GREB1L: variants seen among roughly 807,000 people sequenced by gnomAD.
GREB1L encodes GREB1 like retinoic acid receptor coactivator.
GREB1L carries 17 observed loss-of-function variants against 200.8 expected under a neutral mutation model. The observed-to-expected ratio is 0.08, with a 90% CI of 0.06 to 0.13. The LOEUF is 0.13. Ranked by LOEUF, GREB1L falls within the 10% of genes least tolerant of loss-of-function variation. The pLI, the probability that GREB1L is intolerant of heterozygous loss-of-function variation, is 1.00. For synonymous variants in GREB1L, 789 were observed against 893.0 expected (o/e 0.88, Z 2.08); for missense variants, 1,657 against 2,367.7 (o/e 0.70, Z 6.23).
intron 15 of GREB1L, among the ~76,000 whole-genome samples, chr18:21,465,392 T>C (rs565832063): frequency 6.6e-6 from 1 of 152,310 alleles, no homozygotes; most frequent in Non-Finnish European, 1.5e-5. Context: ...TTCAGTTCCA[T>C]AGATGTAATA....
intron 15 of GREB1L, among the ~76,000 whole-genome samples, chr18:21,455,676 CA>C (rs537490805): frequency 7.3e-4 from 82 of 112,980 alleles, no homozygotes; most frequent in Admixed American, 9.9e-4. Context: ...GACCCTCTCC[CA>C]AAAAAAAAAA....
chr18:21,309,771 C>T (rs2038761908), intron 1 of GREB1L, among the ~76,000 whole-genome samples: 1 of 152,064 alleles, frequency 6.6e-6, no homozygotes, highest in Non-Finnish European at 1.5e-5. Flanking sequence ...TGTATGGTTT[C>T]ATCCAAATCA....
At chr18:21,296,940 C>A (rs1195432429) in intron 1 of GREB1L, among the ~76,000 whole-genome samples, 1 of 152,124 alleles carries the variant, frequency 6.6e-6, no homozygotes, top group Admixed American at 6.6e-5. Flanking sequence ...CAGGCATGAG[C>A]CATCATTCTG....
At chr18:21,354,321 CTCATGCCTGCAG>C (rs1475531332) in intron 1 of GREB1L, among the ~76,000 whole-genome samples, 1 of 152,106 alleles carries the variant, frequency 6.6e-6, no homozygotes, top group Non-Finnish European at 1.5e-5. Flanking sequence ...GGTATGGTAG[CTCATGCCTGCAG>C]TCCCAACACT....
chr18:21,465,597 G>A (rs2035233297), intron 15 of GREB1L, among the ~76,000 whole-genome samples: 1 of 152,086 alleles, frequency 6.6e-6, no homozygotes, highest in South Asian at 2.1e-4. Context: ...GAGTATACAG[G>A]TATTTATGAC....
chr18:21,482,942 C>T (rs75666245), intron 17 of GREB1L, among the ~76,000 whole-genome samples: 4,103 of 152,224 alleles, frequency 0.027, 167 homozygotes, highest in African/African-American at 0.089. Flanking sequence ...CATTCAGTTT[C>T]ATAACTCATA....
intron 1 of GREB1L, among the ~76,000 whole-genome samples, chr18:21,277,654 C>G (rs1286418133): frequency 6.6e-6 from 1 of 152,136 alleles, no homozygotes; most frequent in Non-Finnish European, 1.5e-5. Flanking sequence ...ACTAGGAGAT[C>G]TGCATGCCTA....
chr18:21,367,251 G>A (rs1017818986), intron 2 of GREB1L, among the ~76,000 whole-genome samples: 4 of 152,156 alleles, frequency 2.6e-5, no homozygotes, highest in African/African-American at 9.7e-5. Context: ...ATTTATCTAA[G>A]GAATGCTCGC....
intron 1 of GREB1L, among the ~76,000 whole-genome samples, chr18:21,294,781 CAG>C (rs1447033501): frequency 1.3e-5 from 2 of 152,114 alleles, no homozygotes; most frequent in Non-Finnish European, 2.9e-5. Context: ...TCTCATTTCA[CAG>C]AGAGAAAATT....
chr18:21,468,918 T>A (rs1755661142), intron 15 of GREB1L: 1 of 404,760 alleles, frequency 2.5e-6, no homozygotes, highest in East Asian at 7.1e-5. Context: ...ACCACAAAAG[T>A]GATACTGTGT....
intron 1 of GREB1L, among the ~76,000 whole-genome samples, chr18:21,317,210 AAATC>A (rs1236691768): frequency 1.3e-5 from 2 of 149,800 alleles, no homozygotes; most frequent in African/African-American, 2.5e-5. Context: ...CTGTCTCTAA[AAATC>A]AATCAATGGA....
chr18:21,516,878 T>G (rs888664430), intron 30 of GREB1L, 124 bp downstream of exon 30: 2 of 310,350 alleles, frequency 6.4e-6, no homozygotes, highest in Non-Finnish European at 8.9e-6. Flanking sequence ...CACAAGGGAG[T>G]TTTTTTTTTT....
intron 1 of GREB1L, among the ~76,000 whole-genome samples, chr18:21,323,696 T>G (rs9944737): frequency 2.0e-5 from 3 of 152,024 alleles, no homozygotes; most frequent in African/African-American, 7.2e-5. Context: ...ATACCACCTA[T>G]ACATTGCCAC....
At chr18:21,304,498 TTTTTCATTTGGA>T (rs1161497158) in intron 1 of GREB1L, among the ~76,000 whole-genome samples, 1 of 152,082 alleles carries the variant, frequency 6.6e-6, no homozygotes, top group Non-Finnish European at 1.5e-5. Flanking sequence ...GTTTTTACTA[TTTTTCATTTGGA>T]TTATTTAAAA....
chr18:21,389,179 T>C (rs1567970838), intron 4 of GREB1L, among the ~76,000 whole-genome samples: 1 of 152,196 alleles, frequency 6.6e-6, no homozygotes, highest in Non-Finnish European at 1.5e-5. Context: ...GTTCATTCGT[T>C]TATTTATGTC....
chr18:21,443,297 G>T (rs2034012567), intron 10 of GREB1L, among the ~76,000 whole-genome samples: 1 of 152,040 alleles, frequency 6.6e-6, no homozygotes, highest in African/African-American at 2.4e-5. Context: ...CTGCCTCCTG[G>T]GTTCAAGCGA....
At position 21,383,528 on chromosome 18, in the gene GREB1L, T is replaced by TTC; in HGVS notation, c.10_11insTC (p.Ser4PhefsTer7). 1.3e-6 allele frequency: 2 copies of TTC among 1,484,580 alleles called. No individual in the cohort carries two copies. Among genetic ancestry groups the TTC allele is most frequent in the South Asian group, 1.4e-5 (1 of 73,040 alleles). 92.0% of individuals were successfully genotyped at this position (1,484,580 alleles called of 1,614,324 possible). A position where few individuals can be genotyped will look rare whatever the true frequency, so the allele number is the denominator to read the frequency against. Reference sequence around the variant, plus strand: ...TGGGTAGGTGTAGATCATGGGGAATTCATATGCTGGGCAACTGAAATCTGC... The same window carrying TTC: ...TGGGTAGGTGTAGATCATGGGGAATTTCCATATGCTGGGCAACTGAAATCTGC... On this transcript the variant is annotated frameshift_variant, in exon 3 of 33. Transcript: ENST00000424526. LOFTEE classifies it high-confidence loss of function.
chr18:21,410,832 C>T (rs1413609831), intron 7 of GREB1L, among the ~76,000 whole-genome samples: 3 of 150,398 alleles, frequency 2.0e-5, no homozygotes, highest in Non-Finnish European at 4.4e-5. Flanking sequence ...ATGGGCCAGG[C>T]ACATGGCTCA....
intron 1 of GREB1L, among the ~76,000 whole-genome samples, chr18:21,282,220 G>A (rs2038281824): frequency 6.6e-6 from 1 of 152,154 alleles, no homozygotes; most frequent in East Asian, 1.9e-4. Context: ...CCTGCAGTGA[G>A]CTGTGATGGA....
Sources: gnomAD v4.1 joint callset for allele counts (sites outside exome capture counted in the v4.1 genomes callset) on GRCh38, gnomAD v4.1.1 for gene constraint, MANE v1.5 for transcripts, NCBI Gene and HGNC (gene_info 2026-07-23, HGNC 2026-07-21) for gene names.